Variants in SIPA1L2 observed in about 807,000 individuals in gnomAD.
The protein encoded by SIPA1L2 is signal induced proliferation associated 1 like 2.
SIPA1L2 carries 56 observed loss-of-function variants against 163.9 expected under a neutral mutation model. The ratio of observed to expected loss-of-function variants is 0.34; its 90% CI spans 0.28 to 0.43. The LOEUF (loss-of-function observed/expected upper bound fraction) is 0.43. Among genes scored for constraint, SIPA1L2 ranks in the 20% least tolerant of loss-of-function variants. The pLI is 1.00. For missense variants in SIPA1L2, 1,974 were observed against 2,193.5 expected, an observed-to-expected ratio of 0.90 and a Z score of 2.00; for synonymous variants, 877 against 865.7, an observed-to-expected ratio of 1.01 and a Z score of -0.23.
intron 10 of SIPA1L2, among the ~76,000 whole-genome samples, chr1:232,451,962 C>CT (rs1446847080): frequency 2.7e-5 from 4 of 145,638 alleles, no homozygotes; most frequent in African/African-American, 1.0e-4. Context: ...AAAGCATACA[C>CT]TGGAAGGCAA....
At chr1:232,441,713 CAG>C (rs1448908953) in intron 13 of SIPA1L2, 53 bp downstream of exon 13, 6 of 1,386,390 alleles carry the variant, frequency 4.3e-6, no homozygotes, top group African/African-American at 1.4e-5. Context: ...GAGGAGGGGG[CAG>C]AGAGGGGGAA....
In SIPA1L2 at chr1:232,514,301, T is replaced by C; in HGVS notation, c.1039A>G (p.Thr347Ala). Residue 347 changes from threonine to alanine, a missense_variant, in exon 3 of 23, where the codon ACG becomes GCG. By Grantham distance (58) the Thr-to-Ala change is moderately conservative (BLOSUM62 0). This residue lies in a region of SIPA1L2 where 607 missense variants were observed against 624.0 expected (regional missense o/e 0.97). Transcript: ENST00000674635. The part of the protein sequence containing the change: ...ILFNINEAMA[T>A]RANVGKRKNI... ...TTCCTTTTCCCCACATTAGCCCTCG[T>C]AGCCATGGCTTCGTTGATATTAAAC... 1.2e-6 allele frequency: 2 copies of C among 1,613,714 alleles called. No individual in the cohort carries two copies. Among genetic ancestry groups the C allele is most frequent in the Middle Eastern group, 1.6e-4 (1 of 6,062 alleles).
At chr1:232,424,319 TAACAAAAAAAAAA>T (rs1281428240) in intron 18 of SIPA1L2, among the ~76,000 whole-genome samples, 5 of 8,366 alleles carry the variant, frequency 6.0e-4, no homozygotes, top group African/African-American at 1.6e-3. Flanking sequence ...TAAGTGAAGC[TAACAAAAAAAAAA>T]AAAAAAAAAA....
At chr1:232,438,347 A>T (rs1558177044) in intron 15 of SIPA1L2, among the ~76,000 whole-genome samples, 1 of 152,234 alleles carries the variant, frequency 6.6e-6, no homozygotes, top group Non-Finnish European at 1.5e-5. Flanking sequence ...ACAAGCAGAA[A>T]AATGACAGTG....
chr1:232,585,947 A>T (rs921725963), intron 1 of SIPA1L2, among the ~76,000 whole-genome samples: 39 of 152,246 alleles, frequency 2.6e-4, no homozygotes, highest in African/African-American at 9.4e-4. Flanking sequence ...AAAAGGTGGT[A>T]CCTCTAATCT....
rs114278649 is a variant in SIPA1L2 at position 232,504,261 on chromosome 1, G to A, written c.1483+9596C>T. Among the ~76,000 whole-genome samples, 1,043 of 151,856 alleles carry A rather than the reference G, an allele frequency of 6.9e-3. 13 individuals carry two copies. The highest frequency in any genetic ancestry group is 0.024 in the African/African-American group (991 of 41,418). ...AACCACAAGAGTAATTCAACAGGCC[G>A]GGAGCAGTGGCTCACACCTGCAATC... On this transcript the variant is annotated intron_variant, in intron 3 of 22. Coordinates refer to ENST00000674635, the MANE Select transcript of SIPA1L2 (RefSeq NM_020808.5).
chr1:232,424,686 T>C (rs761622530), intron 18 of SIPA1L2, among the ~76,000 whole-genome samples: 2 of 152,176 alleles, frequency 1.3e-5, no homozygotes, highest in African/African-American at 4.8e-5. Context: ...AAGAAGTAGA[T>C]TAAGAATTTT....
At chr1:232,595,486 G>A (rs1301660055) in intron 1 of SIPA1L2, among the ~76,000 whole-genome samples, 3 of 152,100 alleles carry the variant, frequency 2.0e-5, no homozygotes, top group East Asian at 1.9e-4. Flanking sequence ...TGCACCGGGC[G>A]GCTTCTGACT....
intron 1 of SIPA1L2, among the ~76,000 whole-genome samples, chr1:232,629,054 T>G (rs1663228128): frequency 6.6e-6 from 1 of 152,210 alleles, no homozygotes; most frequent in Non-Finnish European, 1.5e-5. Flanking sequence ...GCACTTGATT[T>G]TTTCCAATAC....
intron 3 of SIPA1L2, among the ~76,000 whole-genome samples, chr1:232,503,515 C>T (rs1213783479): frequency 6.6e-6 from 1 of 152,204 alleles, no homozygotes; most frequent in Non-Finnish European, 1.5e-5. Context: ...CATTCACTCA[C>T]TGCTCTGCCT....
intron 2 of SIPA1L2, among the ~76,000 whole-genome samples, chr1:232,569,895 G>A (rs918883794): frequency 1.3e-5 from 2 of 152,138 alleles, no homozygotes; most frequent in Non-Finnish European, 2.9e-5. Flanking sequence ...TTACGAAACT[G>A]ACCATAAAAT....
At chr1:232,426,917 T>C (rs1265412993) in intron 17 of SIPA1L2, among the ~76,000 whole-genome samples, 1 of 152,208 alleles carries the variant, frequency 6.6e-6, no homozygotes, top group Non-Finnish European at 1.5e-5. Flanking sequence ...GCCAGAATGT[T>C]CACATCATCA....
At chr1:232,583,923 T>C (rs964009232) in intron 1 of SIPA1L2, among the ~76,000 whole-genome samples, 5 of 151,992 alleles carry the variant, frequency 3.3e-5, no homozygotes, top group African/African-American at 4.8e-5. Context: ...AAGCAAGCCA[T>C]AGAAACTAGA....
Position 232,403,718 on chromosome 1 carries a change from AAATTCAGGC to A in SIPA1L2, c.4817-156_4817-148del, listed in dbSNP as rs950749477. On this transcript the variant is annotated intron_variant, in intron 20 of 22. Coordinates refer to ENST00000674635, the MANE Select transcript of SIPA1L2 (RefSeq NM_020808.5). Reference sequence around the variant, plus strand: ...GTTTTGGAGCAAAACAAAGAAAAACAAATTCAGGCAAGCTTCTGAGAAGGAGAAAGCATG... The same window carrying A: ...GTTTTGGAGCAAAACAAAGAAAAACAAAGCTTCTGAGAAGGAGAAAGCATG... The A allele has an allele frequency of 8.2e-6, 9 of 1,095,068 alleles. No homozygotes were observed. The African/African-American group carries it at 1.4e-4, about 17-fold the overall frequency. The allele number at this position is 1,095,068 out of a possible 1,614,324, so 67.8% of individuals were successfully genotyped here.
chr1:232,410,569 G>A (rs1334805389), intron 19 of SIPA1L2, among the ~76,000 whole-genome samples: 1 of 146,462 alleles, frequency 6.8e-6, no homozygotes, highest in African/African-American at 2.4e-5. Flanking sequence ...TATACGCAAG[G>A]GCATCATTAC....
At chr1:232,589,889 G>A (rs956039876) in intron 1 of SIPA1L2, among the ~76,000 whole-genome samples, 11 of 152,124 alleles carry the variant, frequency 7.2e-5, no homozygotes, top group Admixed American at 1.3e-4. Flanking sequence ...AGGCATATGC[G>A]TTTCAGGAAA....
intron 2 of SIPA1L2, among the ~76,000 whole-genome samples, chr1:232,560,083 A>G (rs1372611688): frequency 1.3e-5 from 2 of 152,210 alleles, no homozygotes; most frequent in Non-Finnish European, 2.9e-5. Context: ...AGGGCCCACA[A>G]AGGAACTAAC....
intron 2 of SIPA1L2, among the ~76,000 whole-genome samples, chr1:232,538,813 A>C (rs1326616064): frequency 6.6e-6 from 1 of 152,198 alleles, no homozygotes; most frequent in African/African-American, 2.4e-5. Context: ...AACCATCAAG[A>C]ATGTGACAGT....
intron 2 of SIPA1L2, among the ~76,000 whole-genome samples, chr1:232,547,505 G>C (rs116269396): frequency 7.6e-6 from 1 of 131,220 alleles, no homozygotes; most frequent in African/African-American, 2.9e-5. Context: ...CTATTCAAGC[G>C]TGTTTCCAGA....
Sources: gnomAD v4.1 joint callset for allele counts (sites outside exome capture counted in the v4.1 genomes callset) on GRCh38, gnomAD v4.1.1 for gene constraint, gnomAD v4.1.1 regional missense constraint, MANE v1.5 for transcripts, NCBI Gene and HGNC (gene_info 2026-07-23, HGNC 2026-07-21) for gene names.